Variants in ADISSP observed in about 807,000 individuals in gnomAD.
The protein encoded by ADISSP is adipose secreted signaling protein.
the ADISSP span, among the ~76,000 whole-genome samples, chr20:3,756,020 G>A: frequency 1.3e-5 from 2 of 152,214 alleles, no homozygotes; most frequent in African/African-American, 2.4e-5. Flanking sequence ...ACAAGGGAAA[G>A]TTCAAAGTCC....
chr20:3,754,525 C>G, the ADISSP span: 10 of 1,606,186 alleles, frequency 6.2e-6, no homozygotes, highest in Non-Finnish European at 7.7e-6. Flanking sequence ...ATAACCTGCC[C>G]GGGGACAGGG....
At chr20:3,758,868 C>T in the ADISSP span, among the ~76,000 whole-genome samples, 1 of 152,204 alleles carries the variant, frequency 6.6e-6, no homozygotes, top group Non-Finnish European at 1.5e-5. This position sits in a 1 kb window ranked among gnomAD's most constrained non-coding sequence, Gnocchi z 5.5. Context: ...CCTGCCCCTC[C>T]CACAAAAATC....
At chr20:3,759,554 G>A in the ADISSP span, among the ~76,000 whole-genome samples, 5 of 152,060 alleles carry the variant, frequency 3.3e-5, no homozygotes, top group Admixed American at 1.3e-4. This position sits in a 1 kb window ranked among gnomAD's most constrained non-coding sequence, Gnocchi z 4.6. Context: ...TCCTCTTGGC[G>A]GGAGGACCTG....
chr20:3,759,229 G>GCTGCTGCT, the ADISSP span, among the ~76,000 whole-genome samples: 70 of 152,274 alleles, frequency 4.6e-4, no homozygotes, highest in African/African-American at 1.6e-3. The surrounding 1 kb of genome is among the most constrained non-coding windows in gnomAD (Gnocchi z 4.6). Flanking sequence ...AGGCCACCTG[G>GCTGCTGCT]GCGAGGCTGC....
the ADISSP span, among the ~76,000 whole-genome samples, chr20:3,766,175 T>G: frequency 6.6e-6 from 1 of 152,196 alleles, no homozygotes; most frequent in Non-Finnish European, 1.5e-5. Flanking sequence ...GCAGAAGCAC[T>G]GTGTAGCCTC....
chr20:3,753,943 C>T, the ADISSP span: 1 of 782,262 alleles, frequency 1.3e-6, no homozygotes. Flanking sequence ...CAAGGCCACT[C>T]CACCCCCACA....
the ADISSP span, among the ~76,000 whole-genome samples, chr20:3,765,798 C>T: frequency 6.6e-6 from 1 of 152,122 alleles, no homozygotes; most frequent in Non-Finnish European, 1.5e-5. Flanking sequence ...TTTCCAGTCC[C>T]CCTAACCAGA....
the ADISSP span, chr20:3,758,490 A>T: frequency 6.3e-7 from 1 of 1,588,854 alleles, no homozygotes; most frequent in Non-Finnish European, 8.6e-7. The surrounding 1 kb of genome is among the most constrained non-coding windows in gnomAD (Gnocchi z 5.5). Context: ...AGCCAGGCAG[A>T]GCCGGGGAGG....
chr20:3,753,787 T>C, the ADISSP span: 1 of 518,018 alleles, frequency 1.9e-6, no homozygotes, highest in Non-Finnish European at 3.5e-6. Flanking sequence ...AGGCCCTCCC[T>C]CTCCCTTCCT....
the ADISSP span, among the ~76,000 whole-genome samples, chr20:3,761,336 G>GTTTTTTTT: frequency 7.1e-6 from 1 of 141,642 alleles, no homozygotes. Context: ...TATGGTTTTT[G>GTTTTTTTT]TTTTTTTTTT....
chr20:3,754,228 C>A, the ADISSP span: 2 of 1,483,528 alleles, frequency 1.3e-6, no homozygotes, highest in African/African-American at 1.4e-5. Flanking sequence ...CTAAGGGGAC[C>A]CCTCCCCTTC....
the ADISSP span, among the ~76,000 whole-genome samples, chr20:3,765,906 C>T: frequency 6.6e-6 from 1 of 152,128 alleles, no homozygotes; most frequent in Non-Finnish European, 1.5e-5. Flanking sequence ...AAAAATTATA[C>T]CCTTCCCCAT....
chr20:3,754,203 C>T, the ADISSP span: 3 of 1,572,742 alleles, frequency 1.9e-6, no homozygotes, highest in South Asian at 3.3e-5. Flanking sequence ...CCCCCGGCCC[C>T]ACCCATGCGG....
the ADISSP span, among the ~76,000 whole-genome samples, chr20:3,756,302 T>G: frequency 6.6e-6 from 1 of 152,210 alleles, no homozygotes; most frequent in Non-Finnish European, 1.5e-5. Context: ...TGGCCCATAC[T>G]CACGACCCAA....
At chr20:3,762,447 T>G in the ADISSP span, among the ~76,000 whole-genome samples, 2 of 152,084 alleles carry the variant, frequency 1.3e-5, no homozygotes, top group African/African-American at 4.8e-5. Context: ...TCCAGCTCAC[T>G]GCCACCGTAA....
At chr20:3,759,831 C>T in the ADISSP span, among the ~76,000 whole-genome samples, 1 of 152,192 alleles carries the variant, frequency 6.6e-6, no homozygotes, top group African/African-American at 2.4e-5. This position sits in a 1 kb window ranked among gnomAD's most constrained non-coding sequence, Gnocchi z 4.6. Flanking sequence ...GACACAAGAG[C>T]ACACACCTCC....
the ADISSP span, among the ~76,000 whole-genome samples, chr20:3,761,716 C>T: frequency 1.3e-5 from 2 of 152,188 alleles, no homozygotes; most frequent in Admixed American, 1.3e-4. Context: ...TGGTCTATCT[C>T]TCTACTCTCT....
At chr20:3,757,911 C>T in the ADISSP span, among the ~76,000 whole-genome samples, 1 of 152,160 alleles carries the variant, frequency 6.6e-6, no homozygotes, top group African/African-American at 2.4e-5. Flanking sequence ...CCAGACCTCC[C>T]CCGACCCAAG....
chr20:3,753,833 C>A, the ADISSP span: 1 of 588,118 alleles, frequency 1.7e-6, no homozygotes, highest in South Asian at 2.0e-5. Context: ...CCATTTCTTC[C>A]GGCAGGAGAC....
Sources: gnomAD v4.1 joint callset for allele counts (sites outside exome capture counted in the v4.1 genomes callset) on GRCh38, gnomAD v4.1.1 for gene constraint, Gnocchi (gnomAD v3.1) non-coding constraint, MANE v1.5 for transcripts, NCBI Gene and HGNC (gene_info 2026-07-23, HGNC 2026-07-21) for gene names.